Variants in CPEB3 observed in about 807,000 individuals in gnomAD.
CPEB3 encodes the protein cytoplasmic polyadenylation element binding protein 3.
In CPEB3, 20 loss-of-function variants were observed where a neutral mutation model predicts 67.2. The observed-to-expected ratio is 0.30, with a 90% CI of 0.21 to 0.43. The LOEUF (loss-of-function observed/expected upper bound fraction) is 0.43, where lower values mean the gene tolerates loss of function less well. Ranked by LOEUF, CPEB3 falls within the 20% of genes least tolerant of loss-of-function variation. CPEB3 has a pLI of 1.00. For missense variants in CPEB3, 746 were observed against 968.6 expected (o/e 0.77, Z 3.05); for synonymous variants, 376 against 393.1 (o/e 0.96, Z 0.51).
At chr10:92,156,146 G>C (rs1409737664) in intron 4 of CPEB3, among the ~76,000 whole-genome samples, 1 of 152,134 alleles carries the variant, frequency 6.6e-6, no homozygotes, top group Non-Finnish European at 1.5e-5. Flanking sequence ...AAGAATGCAA[G>C]ACAGCAGAAT....
intron 3 of CPEB3, among the ~76,000 whole-genome samples, chr10:92,191,531 G>A (rs1473877132): frequency 6.6e-6 from 1 of 152,040 alleles, no homozygotes; most frequent in Non-Finnish European, 1.5e-5. Flanking sequence ...ACAAGAAAAT[G>A]ATGAAAGAGA....
chr10:92,250,858 ATTT>A (rs1211646953), intron 1 of CPEB3, among the ~76,000 whole-genome samples: 3 of 104,118 alleles, frequency 2.9e-5, no homozygotes, highest in East Asian at 2.8e-4. Flanking sequence ...CACACAGTTA[ATTT>A]TTTTTTTTTT....
chr10:92,085,158 G>A (rs1254099217), intron 8 of CPEB3, among the ~76,000 whole-genome samples: 3 of 152,180 alleles, frequency 2.0e-5, no homozygotes, highest in Non-Finnish European at 4.4e-5. Context: ...GCAGAGCAGG[G>A]CATAGAGGCG....
chr10:92,121,113 A>G (rs1845351695), intron 6 of CPEB3, among the ~76,000 whole-genome samples: 4 of 151,634 alleles, frequency 2.6e-5, no homozygotes, highest in Non-Finnish European at 5.9e-5. Flanking sequence ...GGTTCAAGAG[A>G]TTCTCCTGCC....
chr10:92,152,319 G>A (rs6583802), intron 4 of CPEB3, among the ~76,000 whole-genome samples: 52,778 of 151,982 alleles, frequency 0.35, 10,213 homozygotes, highest in African/African-American at 0.51. Context: ...AGCCCTAGGC[G>A]ACCACTAATC....
chr10:92,198,448 A>G (rs1415537931), intron 2 of CPEB3, among the ~76,000 whole-genome samples: 1 of 152,196 alleles, frequency 6.6e-6, no homozygotes. Flanking sequence ...ATCTACCTCT[A>G]TACAATCCCA....
chr10:92,268,307 C>A (rs541886955), intron 1 of CPEB3, among the ~76,000 whole-genome samples: 1 of 152,136 alleles, frequency 6.6e-6, no homozygotes, highest in South Asian at 2.1e-4. Context: ...CCCTTCTTCA[C>A]CTAAATGCAT....
chr10:92,175,166 T>A (rs1330739328), intron 4 of CPEB3, among the ~76,000 whole-genome samples: 4 of 151,734 alleles, frequency 2.6e-5, no homozygotes, highest in Admixed American at 6.6e-5. Flanking sequence ...AAAAATTCCT[T>A]TCTTGAAGTT....
chr10:92,206,989 C>CT (rs912406970), intron 2 of CPEB3, among the ~76,000 whole-genome samples: 20 of 150,474 alleles, frequency 1.3e-4, no homozygotes, highest in African/African-American at 3.9e-4. Flanking sequence ...TTCTTTTTTC[C>CT]TTTTTTTTTG....
At chr10:92,162,141 CTTT>C (rs910793361) in intron 4 of CPEB3, among the ~76,000 whole-genome samples, 24 of 145,562 alleles carry the variant, frequency 1.6e-4, no homozygotes, top group Admixed American at 6.2e-4. Context: ...AGATAGAATT[CTTT>C]TTTTTTTTAA....
intron 1 of CPEB3, among the ~76,000 whole-genome samples, chr10:92,275,818 T>G (rs1032031389): frequency 2.0e-5 from 3 of 151,730 alleles, no homozygotes; most frequent in African/African-American, 7.3e-5. Flanking sequence ...ATCCATGTTA[T>G]AGCATGTATC....
chr10:92,111,141 C>T lies in CPEB3; in HGVS notation c.1507G>A (p.Ala503Thr). ...AGTTTCCCATCTTCTTCTAGGCAGG[C>T]ATCTATCAAAGCTTGTACTGAGCTT... ...EESSVQALID[A>T]CLEEDGKLYL... The change falls in exon 7 of 10, where the codon GCC becomes ACC. Residue 503 changes from alanine (A) to threonine (T), a missense_variant. By Grantham distance (58) the Ala-to-Thr change is moderately conservative. Coordinates refer to ENST00000265997, the MANE Select transcript of CPEB3 (RefSeq NM_014912.5). 4 of 1,614,136 alleles carry T rather than the reference C, an allele frequency of 2.5e-6. No homozygotes were observed. Among genetic ancestry groups the T allele is most frequent in the Non-Finnish European group, 3.4e-6 (4 of 1,180,012 alleles).
chr10:92,268,363 C>T (rs531112648), intron 1 of CPEB3, among the ~76,000 whole-genome samples: 2 of 152,236 alleles, frequency 1.3e-5, no homozygotes, highest in East Asian at 3.9e-4. Context: ...TGATGTGGCT[C>T]ACACCTGTAA....
chr10:92,070,117 G>A (rs1015321678), intron 9 of CPEB3, among the ~76,000 whole-genome samples: 4 of 152,198 alleles, frequency 2.6e-5, no homozygotes, highest in Non-Finnish European at 5.9e-5. Flanking sequence ...GAAAGAAGCT[G>A]CAAACACAGT....
rs182496242 is a variant in CPEB3, at chr10:92,099,018, C to T, written c.1573-7074G>A. Among the ~76,000 whole-genome samples the T allele has an allele frequency of 2.9e-3, 438 of 151,754 alleles. 2 individuals are homozygous for T. Among genetic ancestry groups the T allele is most frequent in the African/African-American group, 1.0e-2 (414 of 41,408 alleles). On this transcript the variant is annotated intron_variant, in intron 7 of 9. Coordinates refer to ENST00000265997, the MANE Select transcript of CPEB3 (RefSeq NM_014912.5). ...GACTCCTAACCTCAAGTGATCTGCC[C>T]GCCTCAGCCTCCCAAAGTGCTGGGA... is the stretch of plus-strand genomic sequence containing the variant.
intron 6 of CPEB3, among the ~76,000 whole-genome samples, chr10:92,127,336 G>T (rs1334476871): frequency 4.6e-5 from 7 of 152,026 alleles, no homozygotes; most frequent in African/African-American, 1.7e-4. Context: ...GGATACAGGG[G>T]CTAGACATTT....
intron 9 of CPEB3, among the ~76,000 whole-genome samples, chr10:92,075,629 G>A (rs907784660): frequency 5.0e-4 from 76 of 152,256 alleles, no homozygotes; most frequent in African/African-American, 1.8e-3. Context: ...ATGGATGAGT[G>A]AAATGACAGC....
At chr10:92,072,234 A>G (rs1395730109) in intron 9 of CPEB3, among the ~76,000 whole-genome samples, 1 of 152,230 alleles carries the variant, frequency 6.6e-6, no homozygotes, top group Non-Finnish European at 1.5e-5. Context: ...GCATGTCTTG[A>G]CTAACATCCA....
intron 2 of CPEB3, among the ~76,000 whole-genome samples, chr10:92,203,003 G>A (rs182988694): frequency 8.0e-5 from 12 of 149,892 alleles, no homozygotes; most frequent in East Asian, 2.0e-4. Flanking sequence ...GTGCAGTGGC[G>A]CCATCTTGGC....
Sources: gnomAD v4.1 joint callset for allele counts (sites outside exome capture counted in the v4.1 genomes callset) on GRCh38, gnomAD v4.1.1 for gene constraint, MANE v1.5 for transcripts, NCBI Gene and HGNC (gene_info 2026-07-23, HGNC 2026-07-21) for gene names.